Variants in ABTB3 observed in about 807,000 individuals in gnomAD.
ABTB3 encodes ankyrin repeat and BTB domain containing 3.
At chr12:107,394,231 G>A in the ABTB3 span, among the ~76,000 whole-genome samples, 1 of 138,766 alleles carries the variant, frequency 7.2e-6, no homozygotes, top group African/African-American at 2.5e-5. Flanking sequence ...TTTGACAGAG[G>A]GGAAAAAAAG....
the ABTB3 span, among the ~76,000 whole-genome samples, chr12:107,647,367 C>T: frequency 1.3e-5 from 2 of 151,696 alleles, no homozygotes; most frequent in Non-Finnish European, 2.9e-5. Context: ...TAGCCAGGCA[C>T]GGTGGTGCGT....
At chr12:107,413,718 G>A in the ABTB3 span, among the ~76,000 whole-genome samples, 24 of 152,320 alleles carry the variant, frequency 1.6e-4, no homozygotes, top group African/African-American at 5.3e-4. Flanking sequence ...TGATTCCTAC[G>A]GTGGCTTCAC....
the ABTB3 span, among the ~76,000 whole-genome samples, chr12:107,609,067 G>C: frequency 6.6e-6 from 1 of 152,132 alleles, no homozygotes; most frequent in Non-Finnish European, 1.5e-5. Flanking sequence ...GGATCTGCTA[G>C]TCTCTGCCTG....
the ABTB3 span, among the ~76,000 whole-genome samples, chr12:107,421,314 T>C: frequency 6.6e-6 from 1 of 152,184 alleles, no homozygotes; most frequent in Non-Finnish European, 1.5e-5. Flanking sequence ...CTAAGTGAAG[T>C]AGACAGAAGG....
the ABTB3 span, among the ~76,000 whole-genome samples, chr12:107,322,648 G>T: frequency 6.6e-6 from 1 of 151,072 alleles, no homozygotes; most frequent in South Asian, 2.1e-4. Context: ...CAAGTGCTGG[G>T]TAAGAGGTAA....
chr12:107,593,495 G>A, the ABTB3 span, among the ~76,000 whole-genome samples: 1 of 152,148 alleles, frequency 6.6e-6, no homozygotes, highest in Non-Finnish European at 1.5e-5. Flanking sequence ...TCCTTGGAGG[G>A]TGGATGGCAT....
chr12:107,642,220 A>G, the ABTB3 span: 56 of 1,555,268 alleles, frequency 3.6e-5, no homozygotes, highest in Middle Eastern at 3.4e-4. Context: ...CACAGGGCAC[A>G]GGTGGTTGCC....
At chr12:107,595,009 C>T in the ABTB3 span, among the ~76,000 whole-genome samples, 1 of 151,998 alleles carries the variant, frequency 6.6e-6, no homozygotes, top group Admixed American at 6.6e-5. Context: ...ACCAGCAGCA[C>T]CTCTTCTGTG....
the ABTB3 span, among the ~76,000 whole-genome samples, chr12:107,475,857 A>G: frequency 1.3e-5 from 2 of 152,068 alleles, no homozygotes; most frequent in Non-Finnish European, 2.9e-5. Flanking sequence ...ATTTTTGACA[A>G]CAGAGGATGT....
At chr12:107,616,891 C>T in the ABTB3 span, among the ~76,000 whole-genome samples, 1 of 152,230 alleles carries the variant, frequency 6.6e-6, no homozygotes, top group African/African-American at 2.4e-5. Context: ...GCATGGAACA[C>T]ATTCCGAGTA....
the ABTB3 span, among the ~76,000 whole-genome samples, chr12:107,509,580 G>C: frequency 1.3e-5 from 2 of 152,182 alleles, no homozygotes; most frequent in African/African-American, 4.8e-5. Flanking sequence ...TAGCAGGAAT[G>C]GGGTCCCACT....
chr12:107,461,992 G>A, the ABTB3 span, among the ~76,000 whole-genome samples: 8 of 152,208 alleles, frequency 5.3e-5, no homozygotes, highest in East Asian at 3.9e-4. Flanking sequence ...GGTGGCCCAG[G>A]AGGAGGTGGT....
chr12:107,626,002 T>C, the ABTB3 span, among the ~76,000 whole-genome samples: 2 of 152,208 alleles, frequency 1.3e-5, no homozygotes, highest in Non-Finnish European at 2.9e-5. Context: ...ATCCCTTTAG[T>C]GGTCCTTTGG....
At chr12:107,462,397 G>A in the ABTB3 span, among the ~76,000 whole-genome samples, 1 of 152,220 alleles carries the variant, frequency 6.6e-6, no homozygotes, top group East Asian at 1.9e-4. Context: ...TTGAAAGTCA[G>A]TAAGTAGATT....
the ABTB3 span, among the ~76,000 whole-genome samples, chr12:107,544,925 A>G: frequency 2.0e-5 from 3 of 152,252 alleles, no homozygotes; most frequent in African/African-American, 7.2e-5. Context: ...TAAATTCTAC[A>G]TAGGGATGTT....
chr12:107,552,534 T>A, the ABTB3 span, among the ~76,000 whole-genome samples: 1 of 152,214 alleles, frequency 6.6e-6, no homozygotes, highest in South Asian at 2.1e-4. Flanking sequence ...CCTACTTTTG[T>A]TGATTTGTGC....
the ABTB3 span, among the ~76,000 whole-genome samples, chr12:107,366,480 G>C: frequency 6.6e-6 from 1 of 152,202 alleles, no homozygotes; most frequent in Non-Finnish European, 1.5e-5. Context: ...CTGCAGAAAA[G>C]GTTCAGGCTT....
chr12:107,419,293 C>G, the ABTB3 span, among the ~76,000 whole-genome samples: 1 of 152,222 alleles, frequency 6.6e-6, no homozygotes, highest in African/African-American at 2.4e-5. Flanking sequence ...TTCTATCCCT[C>G]CAGGCACTGA....
the ABTB3 span, among the ~76,000 whole-genome samples, chr12:107,605,536 T>C: frequency 1.3e-5 from 2 of 152,236 alleles, no homozygotes; most frequent in East Asian, 3.9e-4. Flanking sequence ...GGAGAGTCGC[T>C]GTTGCAGAGT....
Sources: allele counts gnomAD v4.1 joint callset (sites outside exome capture counted in the v4.1 genomes callset), GRCh38; gene constraint gnomAD v4.1.1; transcripts MANE v1.5; gene names NCBI Gene and HGNC (gene_info 2026-07-23, HGNC 2026-07-21).